The following ATL2 variants were observed in gnomAD, a reference collection of about 807,000 sequenced individuals.
ATL2 encodes atlastin GTPase 2.
ATL2 carries 31 observed loss-of-function variants against 73.9 expected under a neutral mutation model. The ratio of observed to expected loss-of-function variants is 0.42; its 90% CI spans 0.32 to 0.57. The LOEUF is 0.57. Among genes scored for constraint, ATL2 ranks in the 20% least tolerant of loss-of-function variants. The pLI is 0.14. For missense variants in ATL2, 738 were observed against 702.6 expected, an observed-to-expected ratio of 1.05 and a Z score of -0.57; for synonymous variants, 291 against 237.5, an observed-to-expected ratio of 1.23 and a Z score of -2.07.
intron 7 of ATL2, 38 bp downstream of exon 7, chr2:38,313,113 G>A (rs1212132994): frequency 2.0e-6 from 3 of 1,464,988 alleles, no homozygotes; most frequent in South Asian, 1.2e-5. Flanking sequence ...TGCCTAGCTT[G>A]GTGCTTATGT....
At chr2:38,366,112 A>C (rs1329796375) in intron 1 of ATL2, among the ~76,000 whole-genome samples, 2 of 151,938 alleles carry the variant, frequency 1.3e-5, no homozygotes, top group Non-Finnish European at 2.9e-5. Flanking sequence ...AAAAAAAAAA[A>C]ACAAAGATAA....
In ATL2 at chr2:38,295,271, T is replaced by C. The variant is rs1245220966; in HGVS notation, c.*723A>G. 1.3e-5 allele frequency: 2 copies of C among 152,178 alleles called. No individual in the cohort carries two copies. The highest frequency in any genetic ancestry group is 2.9e-5 in the Non-Finnish European group (2 of 68,038). The allele number at this position is 152,178 out of a possible 1,614,324, so 9.4% of individuals were successfully genotyped here. A position where few individuals can be genotyped will look rare whatever the true frequency, so the allele number is the denominator to read the frequency against. ...ACACTGTACAGACACTCTTAACTCA[T>C]AGCTGTAGGCAACATTTTTGGATGG... On this transcript the variant is annotated 3_prime_UTR_variant, in exon 13 of 13. Coordinates refer to ENST00000378954, the MANE Select transcript of ATL2 (RefSeq NM_001135673.4).
chr2:38,346,449 T>C (rs1396360398), intron 1 of ATL2, among the ~76,000 whole-genome samples: 2 of 152,074 alleles, frequency 1.3e-5, no homozygotes, highest in African/African-American at 4.8e-5. Flanking sequence ...TCACCGCCAA[T>C]CTCTGTTGCC....
At chr2:38,367,837 T>C (rs1360904674) in intron 1 of ATL2, among the ~76,000 whole-genome samples, 1 of 151,594 alleles carries the variant, frequency 6.6e-6, no homozygotes, top group Non-Finnish European at 1.5e-5. Flanking sequence ...TTCACCATGT[T>C]GTCCGGGCTG....
chr2:38,359,046 TACAAAA>T (rs956231631), intron 1 of ATL2, among the ~76,000 whole-genome samples: 1 of 152,128 alleles, frequency 6.6e-6, no homozygotes, highest in Non-Finnish European at 1.5e-5. Flanking sequence ...CAATGCAAAT[TACAAAA>T]ACAAAAATTT....
Position 38,343,463 on chromosome 2 carries a change from C to G in ATL2, c.168G>C (p.Lys56Asn). 6.2e-7 allele frequency: 1 copy of G among 1,609,930 alleles called. No homozygotes were observed. Among genetic ancestry groups the G allele is most frequent in the Non-Finnish European group, 8.5e-7 (1 of 1,177,662 alleles). Reference protein sequence around the residue: ...DDLVNSDEVMKKPCPVQIVLA... With the variant: ...DDLVNSDEVMNKPCPVQIVLA... ...GAACAATCTGTACTGGACATGGTTT[C>G]TTCATAACCTCATCAGAATTTACTA... Residue 56 changes from lysine to asparagine, a missense_variant, in exon 2 of 13, where the codon AAG becomes AAC. Coordinates refer to ENST00000378954, the MANE Select transcript of ATL2 (RefSeq NM_001135673.4).
intron 1 of ATL2, among the ~76,000 whole-genome samples, chr2:38,365,947 C>CA (rs11430901): frequency 0.025 from 3,625 of 146,826 alleles, 104 homozygotes; most frequent in South Asian, 0.14. Context: ...AACTCTGTCT[C>CA]AAAAAAAAAG....
intron 1 of ATL2, among the ~76,000 whole-genome samples, chr2:38,362,484 G>T (rs576332034): frequency 3.3e-5 from 5 of 152,264 alleles, no homozygotes; most frequent in Admixed American, 1.3e-4. Flanking sequence ...TGGGTAACTG[G>T]CTCAGAATAC....
intron 10 of ATL2, 139 bp from the exon 11 acceptor site, chr2:38,299,466 C>T: frequency 2.4e-6 from 2 of 847,712 alleles, no homozygotes; most frequent in Admixed American, 4.0e-5. Flanking sequence ...CTTTCCTATG[C>T]AAGGGAACGT....
Position 38,324,957 on chromosome 2 carries a change from G to C in ATL2, c.364-5938C>G, listed in dbSNP as rs1218866490. Among the ~76,000 whole-genome samples the C allele has an allele frequency of 3.3e-5, 5 of 152,220 alleles. No individual in the cohort carries two copies. The South Asian group carries it at 8.3e-4, about 25-fold the overall frequency. On this transcript the variant is annotated intron_variant, in intron 2 of 12. Transcript: ENST00000378954. ...GATGAAGCAGTTCTGGAGATGGATA[G>C]TGGCAATGGCTACACAACAATGTGA...
intron 1 of ATL2, among the ~76,000 whole-genome samples, chr2:38,357,651 C>CAAAAA (rs1212548216): frequency 3.3e-4 from 22 of 66,310 alleles, no homozygotes; most frequent in African/African-American, 9.0e-4. Context: ...GACTCCGTCT[C>CAAAAA]AAAAAAAAAA....
intron 1 of ATL2, among the ~76,000 whole-genome samples, chr2:38,375,673 T>G (rs1671920314): frequency 6.6e-6 from 1 of 152,148 alleles, no homozygotes; most frequent in Admixed American, 6.6e-5. Context: ...GAACACACAC[T>G]TCTTCCCCTA....
At chr2:38,343,885 C>T (rs546721621) in intron 1 of ATL2, among the ~76,000 whole-genome samples, 42 of 152,286 alleles carry the variant, frequency 2.8e-4, no homozygotes, top group African/African-American at 9.4e-4. Context: ...GGTTTCCCTG[C>T]ACAAGCTCTC....
At chr2:38,341,160 T>A (rs937674559) in intron 2 of ATL2, among the ~76,000 whole-genome samples, 9 of 152,288 alleles carry the variant, frequency 5.9e-5, no homozygotes, top group Non-Finnish European at 1.3e-4. Flanking sequence ...TGGAACAAAA[T>A]ACATTTGCAC....
intron 1 of ATL2, among the ~76,000 whole-genome samples, chr2:38,371,629 G>C (rs1671694909): frequency 6.6e-6 from 1 of 152,110 alleles, no homozygotes. Flanking sequence ...AGGGTGCGGT[G>C]GCTCATGTCT....
In ATL2 at chr2:38,298,420, A is replaced by G. The variant is rs747332076; in HGVS notation, c.1356T>C (p.Ile452=). The part of the protein sequence containing the change: ...RRYQDQLEAE[I]EETYANFIKH... Reference sequence around the variant, plus strand: ...TTATAAAATTTGCATAGGTTTCTTCAATTTCAGCTTCAAGCTGGTCCTGAT... The same window carrying G: ...TTATAAAATTTGCATAGGTTTCTTCGATTTCAGCTTCAAGCTGGTCCTGAT... Residue 452 remains isoleucine, a synonymous_variant, in exon 12 of 13, where the codon ATT becomes ATC. Transcript: ENST00000378954. 3 of 1,614,056 alleles carry G rather than the reference A, an allele frequency of 1.9e-6. No individual in the cohort carries two copies. Among genetic ancestry groups the G allele is most frequent in the Non-Finnish European group, 2.5e-6 (3 of 1,180,008 alleles).
chr2:38,349,768 T>G (rs1177326203), intron 1 of ATL2, among the ~76,000 whole-genome samples: 1 of 152,158 alleles, frequency 6.6e-6, no homozygotes, highest in African/African-American at 2.4e-5. Context: ...CCAGTCACTA[T>G]GCAACCAAGT....
At chr2:38,305,553 A>G (rs1185826587) in intron 9 of ATL2, among the ~76,000 whole-genome samples, 2 of 152,188 alleles carry the variant, frequency 1.3e-5, no homozygotes, top group Non-Finnish European at 2.9e-5. Context: ...GGTCTCAAAA[A>G]AAAAATCAAA....
intron 1 of ATL2, among the ~76,000 whole-genome samples, chr2:38,361,592 C>G (rs1165362496): frequency 1.3e-5 from 2 of 152,098 alleles, no homozygotes; most frequent in Non-Finnish European, 2.9e-5. Flanking sequence ...AACATTTTCT[C>G]TTTTAAAAAG....
Sources: gnomAD v4.1 joint callset for allele counts (sites outside exome capture counted in the v4.1 genomes callset) on GRCh38, gnomAD v4.1.1 for gene constraint, MANE v1.5 for transcripts, NCBI Gene and HGNC (gene_info 2026-07-23, HGNC 2026-07-21) for gene names.